The following OTULINL variants were observed in gnomAD, a reference collection of about 807,000 sequenced individuals.
OTULINL encodes OTU deubiquitinase with linear linkage specificity like.
A neutral mutation model predicts 43.9 loss-of-function variants in OTULINL; 42 were observed. The ratio of observed to expected loss-of-function variants is 0.96; its 90% CI spans 0.75 to 1.24. OTULINL has a LOEUF of 1.24. OTULINL is among the 50% of genes most tolerant of loss of function. OTULINL has a pLI of 0.00. For synonymous variants in OTULINL, 172 were observed against 153.6 expected, an observed-to-expected ratio of 1.12 and a Z score of -0.88; for missense variants, 411 against 426.4, an observed-to-expected ratio of 0.96 and a Z score of 0.32.
chr5:14,581,833 C>A lies in OTULINL; in HGVS notation c.-62C>A. 1.6e-6 allele frequency: 2 copies of A among 1,280,662 alleles called. No individual in the cohort carries two copies. Among genetic ancestry groups the A allele is most frequent in the African/African-American group, 1.6e-5 (1 of 63,764 alleles). The allele number at this position is 1,280,662 out of a possible 1,614,324, so 79.3% of individuals were successfully genotyped here. ...CCCGGGCGCCGGCGGGCGGCCGTCG[C>A]GTCTGACAGACCACTGCAGACCACG... On this transcript the variant is annotated 5_prime_UTR_variant, in exon 1 of 8. Coordinates refer to ENST00000274217, the MANE Select transcript of OTULINL (RefSeq NM_019018.3).
intron 3 of OTULINL, 36 bp downstream of exon 3, chr5:14,601,280 A>G: frequency 6.2e-7 from 1 of 1,603,138 alleles, no homozygotes; most frequent in Non-Finnish European, 8.5e-7. Context: ...TTTATTTTTA[A>G]GGTGCAGAGA....
rs1161944068 is a variant in OTULINL, at chr5:14,612,926, CA to C, written c.*2614del. On this transcript the variant is annotated 3_prime_UTR_variant, in exon 8 of 8. Transcript: ENST00000274217. Reference sequence around the variant, plus strand: ...ACATAACATATAGTTTATATTTTAACAATTTTTTTTTTTGAGACGGAGTTTC... The same window carrying C: ...ACATAACATATAGTTTATATTTTAACATTTTTTTTTTTGAGACGGAGTTTC... Among the ~76,000 whole-genome samples, 1 of 31,604 alleles carries C rather than the reference CA, an allele frequency of 3.2e-5. No homozygotes were observed. Among genetic ancestry groups the C allele is most frequent in the African/African-American group, 8.9e-5 (1 of 11,256 alleles). The allele number at this position is 31,604 out of a possible 152,430, so 20.7% of individuals were successfully genotyped here.
chr5:14,614,391 G>GT lies in OTULINL; in HGVS notation c.*4082dup. The GT allele has an allele frequency of 7.7e-6, 3 of 390,268 alleles. No homozygotes were observed. The highest frequency in any genetic ancestry group is 6.2e-5 in the African/African-American group (3 of 48,532). 24.2% of individuals were successfully genotyped at this position (390,268 alleles called of 1,614,324 possible). A position where few individuals can be genotyped will look rare whatever the true frequency, so the allele number is the denominator to read the frequency against. On this transcript the variant is annotated 3_prime_UTR_variant, in exon 8 of 8. Coordinates refer to ENST00000274217, the MANE Select transcript of OTULINL (RefSeq NM_019018.3). Reference sequence around the variant, plus strand: ...AGCTATTCATTTTCCTTCAAATCCTGTTTTTATCACAATGTCCATTTTACA... The same window carrying GT: ...AGCTATTCATTTTCCTTCAAATCCTGTTTTTTATCACAATGTCCATTTTACA...
Position 14,581,797 on chromosome 5 carries a change from A to C in OTULINL, c.-98A>C. 1.0e-6 allele frequency: 1 copy of C among 992,728 alleles called. No homozygotes were observed. Among genetic ancestry groups the C allele is most frequent in the Non-Finnish European group, 1.3e-6 (1 of 761,208 alleles). 61.5% of individuals were successfully genotyped at this position (992,728 alleles called of 1,614,324 possible). On this transcript the variant is annotated 5_prime_UTR_variant, in exon 1 of 8. Transcript: ENST00000274217. Reference sequence around the variant, plus strand: ...TCCCCCGCCCTCCCCAGCCCGCCTCAGGGAAGCGAGCCCGGGCGCCGGCGG... The same window carrying C: ...TCCCCCGCCCTCCCCAGCCCGCCTCCGGGAAGCGAGCCCGGGCGCCGGCGG...
Position 14,601,344 on chromosome 5 carries a change from G to A in OTULINL, c.257-7G>A. The A allele has an allele frequency of 6.2e-7, 1 of 1,613,242 alleles. No homozygotes were observed. Among genetic ancestry groups the A allele is most frequent in the Non-Finnish European group, 8.5e-7 (1 of 1,179,718 alleles). On this transcript the variant is annotated splice_polypyrimidine_tract_variant and splice_region_variant and intron_variant, in intron 3 of 7. Coordinates refer to ENST00000274217, the MANE Select transcript of OTULINL (RefSeq NM_019018.3). ...ATTAACAGCTTTTTATTTTTTATTTGGTCCAGGGAACCTCAGTGTGGAGGC... is the reference window on the plus strand; with the variant it reads ...ATTAACAGCTTTTTATTTTTTATTTAGTCCAGGGAACCTCAGTGTGGAGGC...
rs190077585 is a variant in OTULINL, at chr5:14,613,399, A to T, written c.*3085A>T. On this transcript the variant is annotated 3_prime_UTR_variant, in exon 8 of 8. Transcript: ENST00000274217. ...TTCCTTTTCATGCTATCTTTTCATC[A>T]TACCTCTTCTAATCTGAGTATTTCC... Among the ~76,000 whole-genome samples the T allele has an allele frequency of 5.9e-4, 90 of 152,202 alleles. No individual in the cohort carries two copies. The highest frequency in any genetic ancestry group is 2.0e-3 in the African/African-American group (84 of 41,532).
In OTULINL at chr5:14,614,505, G is replaced by A. The variant is rs1759638632; in HGVS notation, c.*4191G>A. The stretch of plus-strand genomic sequence containing the variant: ...GTGGATCTTTGCTTAATTCACTTCT[G>A]TTTTAATCCCATCATATTCCTTTAG... On this transcript the variant is annotated 3_prime_UTR_variant, in exon 8 of 8. Coordinates refer to ENST00000274217, the MANE Select transcript of OTULINL (RefSeq NM_019018.3). The A allele has an allele frequency of 2.5e-6, 1 of 397,798 alleles. No homozygotes were observed. The highest frequency in any genetic ancestry group is 4.4e-6 in the Non-Finnish European group (1 of 226,014). 24.6% of individuals were successfully genotyped at this position (397,798 alleles called of 1,614,324 possible).
chr5:14,606,687 A>G (rs1202418623), intron 5 of OTULINL, among the ~76,000 whole-genome samples: 2 of 152,218 alleles, frequency 1.3e-5, no homozygotes, highest in Non-Finnish European at 2.9e-5. Flanking sequence ...TCATTCTAAA[A>G]TCCACCTGTT....
intron 5 of OTULINL, among the ~76,000 whole-genome samples, chr5:14,606,308 C>A (rs1048577688): frequency 3.3e-5 from 5 of 152,156 alleles, no homozygotes; most frequent in Admixed American, 2.6e-4. Flanking sequence ...CTTGCCCCCA[C>A]GATTCAGTCA....
intron 1 of OTULINL, among the ~76,000 whole-genome samples, chr5:14,584,542 T>C (rs2126767714): frequency 6.6e-6 from 1 of 152,338 alleles, no homozygotes; most frequent in Admixed American, 6.5e-5. Context: ...TGGTAATGGC[T>C]AATGTTTTTT....
chr5:14,601,380 T>G lies in OTULINL; in HGVS notation c.286T>G (p.Leu96Val), dbSNP rs776743984. ...CCTCAGTGTGGAGGCAGAGGTTGAT[T>G]TACTCAGTTATTGTGCAAGAGAATG... ...RNLSVEAEVD[L>V]LSYCAREWKG... The change falls in exon 4 of 8, where the codon TTA becomes GTA. Residue 96 changes from leucine to valine, a missense_variant. Leu to Val is a conservative substitution (Grantham distance 32). Transcript: ENST00000274217. The G allele has an allele frequency of 6.8e-6, 11 of 1,614,196 alleles. No homozygotes were observed. The South Asian group carries it at 1.2e-4, about 18-fold the overall frequency.
At chr5:14,601,560 A>C (rs1759390480) in intron 4 of OTULINL, 118 bp downstream of exon 4, 3 of 915,790 alleles carry the variant, frequency 3.3e-6, no homozygotes, top group African/African-American at 1.7e-5. Context: ...ATGTGAGTCA[A>C]GTAACAACTG....
At chr5:14,604,273 A>G (rs1360481426) in intron 5 of OTULINL, among the ~76,000 whole-genome samples, 1 of 152,172 alleles carries the variant, frequency 6.6e-6, no homozygotes, top group African/African-American at 2.4e-5. Flanking sequence ...GTTTAAGGTT[A>G]CACTGAGCTA....
chr5:14,586,096 G>A (rs1759098008), intron 1 of OTULINL, among the ~76,000 whole-genome samples: 1 of 152,176 alleles, frequency 6.6e-6, no homozygotes, highest in South Asian at 2.1e-4. Context: ...GGAATTATTG[G>A]ATTAATATGT....
intron 1 of OTULINL, among the ~76,000 whole-genome samples, chr5:14,595,779 C>T (rs1219671949): frequency 6.7e-6 from 1 of 150,218 alleles, no homozygotes; most frequent in Non-Finnish European, 1.5e-5. Flanking sequence ...GGTATAATTC[C>T]TCTAGGACAT....
intron 1 of OTULINL, among the ~76,000 whole-genome samples, chr5:14,582,356 C>T (rs935509304): frequency 5.9e-5 from 9 of 151,932 alleles, no homozygotes; most frequent in African/African-American, 1.9e-4. Flanking sequence ...GGCGCGTGGA[C>T]CCGCGGGGCC....
intron 1 of OTULINL, among the ~76,000 whole-genome samples, chr5:14,592,812 G>A (rs1329039849): frequency 6.6e-6 from 1 of 152,164 alleles, no homozygotes; most frequent in Non-Finnish European, 1.5e-5. Context: ...AACTCTCAGA[G>A]CCTTCCCTTG....
In OTULINL at chr5:14,608,736, A is replaced by G. The variant is rs754936440; in HGVS notation, c.628-12A>G. On this transcript the variant is annotated splice_polypyrimidine_tract_variant and intron_variant, in intron 6 of 7. Coordinates refer to ENST00000274217, the MANE Select transcript of OTULINL (RefSeq NM_019018.3). ...TTATCCTTCTGAATTTCACTTTTAC[A>G]TCTGTTTTTAGTGGACTGAATTTAA... 6.3e-7 allele frequency: 1 copy of G among 1,583,850 alleles called. No homozygotes were observed. Among genetic ancestry groups the G allele is most frequent in the Admixed American group, 1.7e-5 (1 of 57,436 alleles).
chr5:14,583,721 C>T (rs1282021896), intron 1 of OTULINL, among the ~76,000 whole-genome samples: 1 of 152,182 alleles, frequency 6.6e-6, no homozygotes, highest in Non-Finnish European at 1.5e-5. Flanking sequence ...CTTCTGATGA[C>T]TTACAAGCAT....
Sources: gnomAD v4.1 joint callset for allele counts (sites outside exome capture counted in the v4.1 genomes callset) on GRCh38, gnomAD v4.1.1 for gene constraint, MANE v1.5 for transcripts, NCBI Gene and HGNC (gene_info 2026-07-23, HGNC 2026-07-21) for gene names.